Variants in DPY19L3 observed in about 807,000 individuals in gnomAD.
DPY19L3 encodes protein C-mannosyl-transferase DPY19L3.
In DPY19L3, 51 loss-of-function variants were observed where a neutral mutation model predicts 92.3. That is an observed-to-expected ratio of 0.55 (90% CI 0.44 to 0.70). DPY19L3 has a LOEUF of 0.70. Ranked by LOEUF, DPY19L3 falls within the 30% of genes least tolerant of loss-of-function variation. The probability of loss-of-function intolerance (pLI) is 0.00; values close to 1 mark genes in which losing one functional copy is unlikely to be tolerated. For synonymous variants in DPY19L3, 309 were observed against 315.2 expected, an observed-to-expected ratio of 0.98 and a Z score of 0.21; for missense variants, 706 against 855.9, an observed-to-expected ratio of 0.82 and a Z score of 2.18.
intron 4 of DPY19L3, among the ~76,000 whole-genome samples, chr19:32,433,581 T>TTTTTG (rs976238458): frequency 2.6e-5 from 4 of 151,754 alleles, no homozygotes; most frequent in African/African-American, 7.3e-5. Flanking sequence ...CCACGTTCAT[T>TTTTTG]TTTTGTTTTG....
At position 32,461,694 on chromosome 19, in the gene DPY19L3, GTC is replaced by G. The variant is rs142072241; in HGVS notation, c.1323-1668_1323-1667del. 7.9e-3 allele frequency among the ~76,000 whole-genome samples: 1,209 copies of G among 152,274 alleles called. 18 individuals carry two copies. The highest frequency in any genetic ancestry group is 0.028 in the African/African-American group (1,168 of 41,538). ...AAAGGATTTCTGGGAAATAAAAAAA[GTC>G]TCTAGTTACATAGAGAAGCATCGTA... On this transcript the variant is annotated intron_variant, in intron 12 of 18. Coordinates refer to ENST00000392250, the MANE Select transcript of DPY19L3 (RefSeq NM_001172774.2).
At chr19:32,447,775 A>AGATAGATAGATAGATT (rs1237623603) in intron 8 of DPY19L3, among the ~76,000 whole-genome samples, 39 of 126,986 alleles carry the variant, frequency 3.1e-4, no homozygotes, top group African/African-American at 7.8e-4. Context: ...ATAGATAGAT[A>AGATAGATAGATAGATT]GATTAGATAA....
At chr19:32,456,833 T>C (rs1969881513) in intron 10 of DPY19L3, among the ~76,000 whole-genome samples, 1 of 150,744 alleles carries the variant, frequency 6.6e-6, no homozygotes, top group East Asian at 1.9e-4. Context: ...CATAAATATA[T>C]ACACCTATAT....
At chr19:32,427,787 G>T (rs1968814817) in intron 3 of DPY19L3, among the ~76,000 whole-genome samples, 1 of 152,076 alleles carries the variant, frequency 6.6e-6, no homozygotes, top group Admixed American at 6.6e-5. Context: ...AAATATGTTT[G>T]CTGAGGGCAT....
In DPY19L3 at chr19:32,453,183, C is replaced by T. The variant is rs988431953; in HGVS notation, c.894C>T (p.Leu298=). Residue 298 remains leucine, a synonymous_variant, in exon 9 of 19, where the codon CTC becomes CTT. Transcript: ENST00000392250. Reference sequence around the variant, plus strand: ...ATGGAATACAGATAACAAGTTTACTCCTGGTCTGCATTCTTCAGTTTTTTA... The same window carrying T: ...ATGGAATACAGATAACAAGTTTACTTCTGGTCTGCATTCTTCAGTTTTTTA... The part of the protein sequence containing the change: ...WLYGIQITSL[L]LVCILQFFNS... 6.2e-7 allele frequency: 1 copy of T among 1,613,972 alleles called. No individual in the cohort carries two copies. The highest frequency in any genetic ancestry group is 1.3e-5 in the African/African-American group (1 of 74,908).
At chr19:32,473,518 T>C (rs1970415478) in intron 16 of DPY19L3, among the ~76,000 whole-genome samples, 1 of 152,246 alleles carries the variant, frequency 6.6e-6, no homozygotes, top group African/African-American at 2.4e-5. Context: ...GGATCCCTTC[T>C]CCCTTTGCCT....
At chr19:32,437,651 G>GT (rs1357703187) in intron 6 of DPY19L3, among the ~76,000 whole-genome samples, 3 of 151,982 alleles carry the variant, frequency 2.0e-5, no homozygotes, top group East Asian at 1.9e-4. Flanking sequence ...CTCTTAAAGG[G>GT]TTTTTTTAAA....
intron 12 of DPY19L3, among the ~76,000 whole-genome samples, chr19:32,460,565 A>G (rs944663532): frequency 1.3e-5 from 2 of 152,246 alleles, no homozygotes; most frequent in Non-Finnish European, 2.9e-5. Flanking sequence ...TGTAGACTTT[A>G]TAAACACTGT....
chr19:32,451,575 C>G (rs972641818), intron 8 of DPY19L3, among the ~76,000 whole-genome samples: 20 of 152,122 alleles, frequency 1.3e-4, no homozygotes, highest in African/African-American at 4.6e-4. Flanking sequence ...TGGGGATAAT[C>G]GGATTTGCTG....
chr19:32,461,958 A>G (rs62106360), intron 12 of DPY19L3, among the ~76,000 whole-genome samples: 368 of 152,328 alleles, frequency 2.4e-3, no homozygotes, highest in Non-Finnish European at 3.4e-3. Context: ...ATATGTTTCA[A>G]GTCCCTCAGT....
At chr19:32,432,575 CTT>C in intron 3 of DPY19L3, 139 bp from the exon 4 acceptor site, 1 of 626,128 alleles carries the variant, frequency 1.6e-6, no homozygotes, top group Non-Finnish European at 2.7e-6. Context: ...GCCTTCCATT[CTT>C]GTTTGCCAAG....
rs372977383 is a variant in DPY19L3 at position 32,428,822 on chromosome 19, T to TA, written c.238-3894_238-3893insA. Among the ~76,000 whole-genome samples, 145 of 29,002 alleles carry TA rather than the reference T, an allele frequency of 5.0e-3. 1 individual carries two copies. The highest frequency in any genetic ancestry group is 0.012 in the Non-Finnish European group (112 of 9,602). The allele number at this position is 29,002 out of a possible 152,430, so 19.0% of individuals were successfully genotyped here. On this transcript the variant is annotated intron_variant, in intron 3 of 18. Transcript: ENST00000392250. The stretch of plus-strand genomic sequence containing the variant: ...TACTTCAATGGTTTTAGCTGTACAG[T>TA]TTTTTTTTTGTTTTTTTTCTTGTTG...
At chr19:32,411,187 A>C (rs1968167188) in intron 2 of DPY19L3, 52 bp from the exon 3 acceptor site, 1 of 1,555,406 alleles carries the variant, frequency 6.4e-7, no homozygotes, top group African/African-American at 1.4e-5. Flanking sequence ...GAACTATTAC[A>C]TTCTGATTTT....
intron 8 of DPY19L3, among the ~76,000 whole-genome samples, chr19:32,443,335 G>A (rs1568340808): frequency 6.6e-6 from 1 of 152,202 alleles, no homozygotes; most frequent in Non-Finnish European, 1.5e-5. Flanking sequence ...CATTAGCATA[G>A]CGTTGGCATA....
chr19:32,445,120 T>G (rs1599634717), intron 8 of DPY19L3, among the ~76,000 whole-genome samples: 2 of 142,214 alleles, frequency 1.4e-5, no homozygotes, highest in Admixed American at 1.4e-4. Flanking sequence ...CAAAAGGAAG[T>G]GGCCTAGTAT....
At chr19:32,454,304 G>T (rs1969797221) in intron 9 of DPY19L3, among the ~76,000 whole-genome samples, 1 of 152,176 alleles carries the variant, frequency 6.6e-6, no homozygotes, top group Admixed American at 6.5e-5. Context: ...GCCAGGCGTG[G>T]TGGCTCACAC....
At position 32,484,657 on chromosome 19, in the gene DPY19L3, C is replaced by A. The variant is rs1407065243; in HGVS notation, c.*2417C>A. The A allele has an allele frequency of 6.6e-6, 1 of 152,284 alleles. No homozygotes were observed. The highest frequency in any genetic ancestry group is 2.4e-5 in the African/African-American group (1 of 41,454). The allele number at this position is 152,284 out of a possible 1,614,324, so 9.4% of individuals were successfully genotyped here. A position where few individuals can be genotyped will look rare whatever the true frequency, so the allele number is the denominator to read the frequency against. On this transcript the variant is annotated 3_prime_UTR_variant, in exon 19 of 19. Transcript: ENST00000392250. ...TCGTAAGCCACCTGCCACAGCACAG[C>A]TGGAGGCTGTTCTCTGGTGTTCTCA...
intron 16 of DPY19L3, among the ~76,000 whole-genome samples, chr19:32,472,488 C>G (rs2145623464): frequency 6.6e-6 from 1 of 151,702 alleles, no homozygotes; most frequent in South Asian, 2.1e-4. Context: ...ATTTACCCTT[C>G]TCTGCTGATA....
At chr19:32,418,238 A>G (rs976247342) in intron 3 of DPY19L3, among the ~76,000 whole-genome samples, 3 of 151,958 alleles carry the variant, frequency 2.0e-5, no homozygotes, top group South Asian at 4.1e-4. Flanking sequence ...TTGTTCAAGC[A>G]GTAGTCCATA....
Sources: gnomAD v4.1 joint callset for allele counts (sites outside exome capture counted in the v4.1 genomes callset) on GRCh38, gnomAD v4.1.1 for gene constraint, MANE v1.5 for transcripts, NCBI Gene and HGNC (gene_info 2026-07-23, HGNC 2026-07-21) for gene names.